COL26A1: variants seen among roughly 807,000 people sequenced by gnomAD.
COL26A1 encodes the protein collagen alpha-1(XXVI) chain.
COL26A1 carries 41 observed loss-of-function variants against 59.3 expected under a neutral mutation model. That is an observed-to-expected ratio of 0.69 (90% CI 0.54 to 0.90). COL26A1 has a LOEUF of 0.90. COL26A1 is among the 40% of genes least tolerant of loss of function. The pLI is 0.00. For missense variants in COL26A1, 612 were observed against 602.3 expected (o/e 1.02, Z -0.17); for synonymous variants, 266 against 256.0 (o/e 1.04, Z -0.37).
At chr7:101,552,062 A>T (rs1795874403) in intron 10 of COL26A1, among the ~76,000 whole-genome samples, 1 of 152,218 alleles carries the variant, frequency 6.6e-6, no homozygotes, top group Non-Finnish European at 1.5e-5. Flanking sequence ...TGAACCAGGG[A>T]GTGTCAAGCT....
intron 10 of COL26A1, among the ~76,000 whole-genome samples, 179 bp downstream of exon 10, chr7:101,551,322 G>A (rs915450716): frequency 3.9e-5 from 6 of 152,190 alleles, no homozygotes; most frequent in African/African-American, 1.4e-4. Context: ...GCGGGGTGAG[G>A]AGGGAAGCGA....
intron 2 of COL26A1, among the ~76,000 whole-genome samples, chr7:101,423,586 T>A (rs552402881): frequency 1.3e-5 from 2 of 151,750 alleles, no homozygotes; most frequent in Non-Finnish European, 2.9e-5. Flanking sequence ...TACAAAAAAA[T>A]TAGCTGAGTG....
intron 1 of COL26A1, among the ~76,000 whole-genome samples, chr7:101,373,501 A>G (rs1229100544): frequency 2.1e-5 from 3 of 143,772 alleles, no homozygotes; most frequent in Admixed American, 2.1e-4. Context: ...GCTCAAGGAA[A>G]GTTTGTTGAG....
At chr7:101,505,745 C>T (rs1794801690) in intron 3 of COL26A1, among the ~76,000 whole-genome samples, 2 of 152,200 alleles carry the variant, frequency 1.3e-5, no homozygotes, top group African/African-American at 4.8e-5. Context: ...GTCTGCCTTT[C>T]CCAGTCCACT....
chr7:101,384,482 C>T (rs962966281), intron 1 of COL26A1, among the ~76,000 whole-genome samples: 4 of 151,996 alleles, frequency 2.6e-5, no homozygotes, highest in Non-Finnish European at 2.9e-5. Context: ...CCTGCCTTGG[C>T]CTCCCAAAGT....
chr7:101,527,102 C>G (rs1448007723), intron 3 of COL26A1, among the ~76,000 whole-genome samples: 8 of 151,976 alleles, frequency 5.3e-5, no homozygotes, highest in Admixed American at 3.9e-4. Context: ...TCCTGAGTAG[C>G]TAGGATTACA....
intron 1 of COL26A1, among the ~76,000 whole-genome samples, chr7:101,370,806 C>T (rs924856570): frequency 3.3e-5 from 5 of 152,184 alleles, no homozygotes; most frequent in African/African-American, 1.2e-4. Flanking sequence ...CCTTGACTCC[C>T]CCCTCTTTTG....
In COL26A1 at chr7:101,487,258, G is replaced by A. The variant is rs539976497; in HGVS notation, c.385+39471G>A. Among the ~76,000 whole-genome samples the A allele has an allele frequency of 2.0e-4, 30 of 152,090 alleles. No homozygotes were observed. In the South Asian group the frequency reaches 3.5e-3, roughly 18 times the overall value. ...TGGGGAGGAGGGCAGGGTGTTGTGAGCCAGAGACTGCCCTTGGGGCTAACC... is the reference window on the plus strand; with the variant it reads ...TGGGGAGGAGGGCAGGGTGTTGTGAACCAGAGACTGCCCTTGGGGCTAACC... On this transcript the variant is annotated intron_variant, in intron 3 of 12. Coordinates refer to ENST00000313669, the MANE Select transcript of COL26A1 (RefSeq NM_001278563.3).
chr7:101,385,804 A>G (rs1169907387), intron 1 of COL26A1, among the ~76,000 whole-genome samples: 2 of 151,986 alleles, frequency 1.3e-5, no homozygotes, highest in African/African-American at 4.8e-5. Context: ...TCCCAGGTTC[A>G]CGCCATTCTC....
intron 2 of COL26A1, among the ~76,000 whole-genome samples, chr7:101,440,048 C>T (rs1793014860): frequency 6.6e-6 from 1 of 152,106 alleles, no homozygotes. Context: ...GGAGGGCAGT[C>T]CCTAAACTGG....
At chr7:101,499,750 A>G (rs1035927018) in intron 3 of COL26A1, among the ~76,000 whole-genome samples, 2 of 151,350 alleles carry the variant, frequency 1.3e-5, no homozygotes, top group East Asian at 1.9e-4. Flanking sequence ...GGTTGCACAT[A>G]CCTGTGGTCC....
chr7:101,369,537 C>G (rs1370333308), intron 1 of COL26A1, among the ~76,000 whole-genome samples: 3 of 147,220 alleles, frequency 2.0e-5, no homozygotes, highest in Non-Finnish European at 4.5e-5. Context: ...CAAGCTCTGC[C>G]TCCCGGGTTC....
intron 5 of COL26A1, among the ~76,000 whole-genome samples, chr7:101,542,935 G>T (rs1025647715): frequency 1.2e-4 from 18 of 152,222 alleles, no homozygotes; most frequent in Admixed American, 4.6e-4. Flanking sequence ...CCACGAAAGC[G>T]CATGCCTGGC....
intron 3 of COL26A1, among the ~76,000 whole-genome samples, chr7:101,482,695 G>C (rs571866391): frequency 6.0e-4 from 92 of 152,252 alleles, no homozygotes; most frequent in African/African-American, 2.0e-3. Context: ...GGTGACTCAC[G>C]CCTGTAATCC....
intron 1 of COL26A1, among the ~76,000 whole-genome samples, chr7:101,404,525 A>G (rs1443350640): frequency 6.6e-6 from 1 of 152,192 alleles, no homozygotes; most frequent in Admixed American, 6.5e-5. Flanking sequence ...GGGAGCCAGA[A>G]GTCCCAAAGA....
intron 3 of COL26A1, among the ~76,000 whole-genome samples, chr7:101,531,033 C>T (rs1024844609): frequency 2.0e-4 from 30 of 151,596 alleles, no homozygotes; most frequent in African/African-American, 4.8e-4. Flanking sequence ...TGCAGTGGTG[C>T]GATCTCGGCT....
At chr7:101,441,051 T>C (rs1793046691) in intron 2 of COL26A1, among the ~76,000 whole-genome samples, 1 of 151,778 alleles carries the variant, frequency 6.6e-6, no homozygotes, top group South Asian at 2.1e-4. Flanking sequence ...AGTTTCTGAA[T>C]CAGGGGCCCG....
At chr7:101,459,466 A>ATTTTTTTTTTTTT (rs71286269) in intron 3 of COL26A1, among the ~76,000 whole-genome samples, 1 of 136,092 alleles carries the variant, frequency 7.3e-6, no homozygotes, top group Non-Finnish European at 1.5e-5. Context: ...CACCCGGCTA[A>ATTTTTTTTTTTTT]TTTTTTTTTT....
chr7:101,403,398 A>G (rs1440176490), intron 1 of COL26A1, among the ~76,000 whole-genome samples: 1 of 152,102 alleles, frequency 6.6e-6, no homozygotes, highest in Non-Finnish European at 1.5e-5. Flanking sequence ...ATGTGCCTGT[A>G]ATCCCAGTTA....
Sources: allele counts gnomAD v4.1 joint callset (sites outside exome capture counted in the v4.1 genomes callset), GRCh38; gene constraint gnomAD v4.1.1; transcripts MANE v1.5; gene names NCBI Gene and HGNC (gene_info 2026-07-23, HGNC 2026-07-21).